NEB: variants seen among roughly 807,000 people sequenced by gnomAD.
NEB encodes the protein nebulin, also known as nemaline myopathy type 2.
Under a neutral mutation model 952.2 loss-of-function variants are expected in NEB, and 512 were observed. That is an observed-to-expected ratio of 0.54 (90% CI 0.50 to 0.58). The LOEUF (loss-of-function observed/expected upper bound fraction) is 0.58, where lower values mean the gene tolerates loss of function less well. NEB is among the 20% of genes least tolerant of loss of function. The probability of loss-of-function intolerance (pLI) is 0.00; values close to 1 mark genes in which losing one functional copy is unlikely to be tolerated. For synonymous variants in NEB, 2,900 were observed against 3,149.8 expected, an observed-to-expected ratio of 0.92 and a Z score of 2.66; for missense variants, 8,428 against 9,231.1, an observed-to-expected ratio of 0.91 and a Z score of 3.56.
chr2:151,609,380 A>G (rs978076122), intron 81 of NEB, among the ~76,000 whole-genome samples: 1 of 152,058 alleles, frequency 6.6e-6, no homozygotes, highest in African/African-American at 2.4e-5. Flanking sequence ...GTAAAAACAT[A>G]ATTATTTATA....
At chr2:151,648,495 T>A (rs542423844) in intron 54 of NEB, among the ~76,000 whole-genome samples, 1 of 152,328 alleles carries the variant, frequency 6.6e-6, no homozygotes, top group South Asian at 2.1e-4. Context: ...AGCAATTGCA[T>A]TGTGGTGAAG....
intron 175 of NEB, 80 bp downstream of exon 175, chr2:151,493,695 C>A: frequency 8.5e-7 from 1 of 1,172,962 alleles, no homozygotes; most frequent in Non-Finnish European, 1.2e-6. Flanking sequence ...TTTGGAAAAA[C>A]TGTAAGATAA....
intron 65 of NEB, 128 bp from the exon 66 acceptor site, chr2:151,631,474 G>A: frequency 3.0e-6 from 3 of 1,003,520 alleles, no homozygotes; most frequent in Non-Finnish European, 4.2e-6. Context: ...GTTGTATAAG[G>A]CAAACTAAAA....
At chr2:151,514,266 CAAA>C in intron 159 of NEB, 49 bp downstream of exon 159, 2 of 1,302,592 alleles carry the variant, frequency 1.5e-6, no homozygotes, top group South Asian at 1.3e-5. Flanking sequence ...ATTTGGCTAA[CAAA>C]GAAATGATGC....
In NEB at chr2:151,572,895, G is replaced by A. The variant is rs558766064; in HGVS notation, c.17014-2294C>T. Among the ~76,000 whole-genome samples, 301 of 150,908 alleles carry A rather than the reference G, an allele frequency of 2.0e-3. 1 individual carries two copies. The highest frequency in any genetic ancestry group is 7.0e-3 in the African/African-American group (290 of 41,192). On this transcript the variant is annotated intron_variant, in intron 107 of 181. Transcript: ENST00000397345. The stretch of plus-strand genomic sequence containing the variant: ...CTAAAAAAAAAAAAAAAAAGCCCGG[G>A]GCCTGAGACCCAATGTTTTCAGCTA...
chr2:151,715,412 T>C (rs1240455604), intron 10 of NEB, among the ~76,000 whole-genome samples: 1 of 152,198 alleles, frequency 6.6e-6, no homozygotes, highest in African/African-American at 2.4e-5. Flanking sequence ...AATGTCTATA[T>C]CCCCACCCCC....
At chr2:151,627,294 A>G in intron 69 of NEB, 89 bp from the exon 70 acceptor site, 1 of 1,470,146 alleles carries the variant, frequency 6.8e-7, no homozygotes. Context: ...AAGCTTGGAT[A>G]GTCAAATTTC....
chr2:151,616,405 C>A lies in NEB; in HGVS notation c.11182-296G>T, dbSNP rs1254086868. ...CAGATGTAAAAAAAAAAATTATTTA[C>A]TGGCCGGGCGTGGTGGCTCACGCCT... On this transcript the variant is annotated intron_variant, in intron 75 of 181. Transcript: ENST00000397345. 3.3e-5 allele frequency among the ~76,000 whole-genome samples: 5 copies of A among 152,146 alleles called. No homozygotes were observed. In the South Asian group the frequency reaches 1.0e-3, roughly 32 times the overall value.
rs772068098 is a variant in NEB, at chr2:151,609,805, G to T, written c.12330+4C>A. ...CCCCCTTTCCCAAAATTCATGTTAC[G>T]TACATCACTCTGCAGGTCATAGGCC... On this transcript the variant is annotated splice_donor_region_variant and intron_variant, in intron 81 of 181. Transcript: ENST00000397345. 7 of 1,567,022 alleles carry T rather than the reference G, an allele frequency of 4.5e-6. No homozygotes were observed. In the East Asian group the frequency reaches 1.6e-4, roughly 35 times the overall value.
intron 9 of NEB, 92 bp downstream of exon 9, chr2:151,723,290 C>T: frequency 2.7e-6 from 2 of 751,620 alleles, no homozygotes; most frequent in South Asian, 2.1e-5. Flanking sequence ...GTCTCTTATA[C>T]AGAAGAGTTG....
rs377431945 is a variant in NEB at position 151,515,070 on chromosome 2, CAT to C, written c.22906-144_22906-143del. Reference sequence around the variant, plus strand: ...TCTGCTAATGGTCACACATTTGAAACATGTATGATTGTACTTGAAATACTTTG... The same window carrying C: ...TCTGCTAATGGTCACACATTTGAAACGTATGATTGTACTTGAAATACTTTG... On this transcript the variant is annotated intron_variant, in intron 157 of 181. Transcript: ENST00000397345. 2.7e-3 allele frequency: 1,688 copies of C among 623,178 alleles called. 31 individuals carry two copies. Among genetic ancestry groups the C allele is most frequent in the South Asian group, 0.027 (1,300 of 48,870 alleles). 38.6% of individuals were successfully genotyped at this position (623,178 alleles called of 1,614,324 possible).
chr2:151,551,382 T>C (rs1359873426), intron 129 of NEB, among the ~76,000 whole-genome samples: 3 of 152,246 alleles, frequency 2.0e-5, no homozygotes, highest in South Asian at 4.1e-4. Context: ...ATCCAGGTTC[T>C]TTCTCTTCTG....
At chr2:151,650,926 C>G (rs1431104946) in intron 52 of NEB, 41 bp from the exon 53 acceptor site, 1 of 1,507,566 alleles carries the variant, frequency 6.6e-7, no homozygotes, top group East Asian at 2.3e-5. Flanking sequence ...TACACAAAGG[C>G]CAAGTTAAGC....
In NEB at chr2:151,505,808, A is replaced by G. The variant is rs1039572308; in HGVS notation, c.23650-238T>C. On this transcript the variant is annotated intron_variant, in intron 164 of 181. Transcript: ENST00000397345. The stretch of plus-strand genomic sequence containing the variant: ...CTTTGGGGCAGGGATGGGGGCCCCT[A>G]TTTAGACTGCAGCCCTTTCCTGTAT... 2.3e-5 allele frequency: 13 copies of G among 561,180 alleles called. No individual in the cohort carries two copies. In the African/African-American group the frequency reaches 2.4e-4, roughly 11 times the overall value. The allele number at this position is 561,180 out of a possible 1,614,324, so 34.8% of individuals were successfully genotyped here. A position where few individuals can be genotyped will look rare whatever the true frequency, so the allele number is the denominator to read the frequency against.
At position 151,518,319 on chromosome 2, in the gene NEB, A is replaced by G. The variant is rs1294947188; in HGVS notation, c.22799T>C (p.Ile7600Thr). The change falls in exon 156 of 182, where the codon ATA becomes ACA. Residue 7600 changes from isoleucine (I) to threonine (T), a missense_variant and splice_region_variant. Transcript: ENST00000397345. ...HLKEATELQS[I>T]VKYKEKYEKE... ...AAAAATCGGTCTTGATCCACTTACT[A>G]TACTCTGTAATTCTGTGGCCTCTTT... The G allele has an allele frequency of 1.4e-5, 22 of 1,593,884 alleles. No individual in the cohort carries two copies. Among genetic ancestry groups the G allele is most frequent in the East Asian group, 2.2e-5 (1 of 44,758 alleles).
Position 151,525,971 on chromosome 2 carries a change from T to G in NEB, c.22148A>C (p.Lys7383Thr), listed in dbSNP as rs774932703. ...RDTVHVKEVT[K>T]HVSDTNYKKK... ...TTGATCACTTACATCACTGACATGC[T>G]TGGTCACTTCCTTGACGTGAACAGT... The change falls in exon 150 of 182, where the codon AAG (lysine) becomes ACG (threonine). Residue 7383 changes from lysine (K) to threonine (T), a missense_variant. By Grantham distance (78) the Lys-to-Thr change is moderately conservative (BLOSUM62 -1). Coordinates refer to ENST00000397345, the MANE Select transcript of NEB (RefSeq NM_001164508.2). 1 of 1,613,690 alleles carries G rather than the reference T, an allele frequency of 6.2e-7. No homozygotes were observed. Among genetic ancestry groups the G allele is most frequent in the East Asian group, 2.2e-5 (1 of 44,894 alleles).
intron 17 of NEB, among the ~76,000 whole-genome samples, chr2:151,696,025 T>C (rs1218258094): frequency 6.6e-6 from 1 of 152,370 alleles, no homozygotes; most frequent in East Asian, 1.9e-4. Flanking sequence ...TTTCATCTGA[T>C]TAAGAGTCCT....
intron 63 of NEB, among the ~76,000 whole-genome samples, chr2:151,637,420 C>T (rs1269956301): frequency 2.6e-5 from 4 of 152,146 alleles, no homozygotes; most frequent in African/African-American, 9.7e-5. Flanking sequence ...CTGAGAATAG[C>T]CCAGAGTTGG....
chr2:151,579,356 G>A lies in NEB; in HGVS notation c.16686C>T (p.Ala5562=), dbSNP rs1237685833. 3 of 1,526,300 alleles carry A rather than the reference G, an allele frequency of 2.0e-6. No individual in the cohort carries two copies. Among genetic ancestry groups the A allele is most frequent in the South Asian group, 2.4e-5 (2 of 83,544 alleles). 94.5% of individuals were successfully genotyped at this position (1,526,300 alleles called of 1,614,324 possible). A position where few individuals can be genotyped will look rare whatever the true frequency, so the allele number is the denominator to read the frequency against. ...CACTTACGTCGCTCTGTAGGTCGTA[G>A]GCTTTCCTGGCTTGGATCACATCAT... The part of the protein sequence containing the change: ...DQNDVIQARK[A]YDLQSDALYK... The change falls in exon 105 of 182, where the codon GCC becomes GCT. Residue 5562 remains alanine (A), a synonymous_variant. Coordinates refer to ENST00000397345, the MANE Select transcript of NEB (RefSeq NM_001164508.2).
Sources: allele counts gnomAD v4.1 joint callset (sites outside exome capture counted in the v4.1 genomes callset), GRCh38; gene constraint gnomAD v4.1.1; transcripts MANE v1.5; gene names NCBI Gene and HGNC (gene_info 2026-07-23, HGNC 2026-07-21).